The following CCNL1 variants were observed in gnomAD, a reference collection of about 807,000 sequenced individuals.
The protein encoded by CCNL1 is cyclin L1, also known as cyclin-L1.
A neutral mutation model predicts 60.6 loss-of-function variants in CCNL1; 13 were observed. The ratio of observed to expected loss-of-function variants is 0.21; its 90% CI spans 0.14 to 0.34. CCNL1 has a LOEUF of 0.34. CCNL1 is among the 10% of genes least tolerant of loss of function. The pLI, the probability that CCNL1 is intolerant of heterozygous loss-of-function variation, is 1.00. For synonymous variants in CCNL1, 270 were observed against 244.3 expected (o/e 1.10, Z -0.98); for missense variants, 481 against 664.3 (o/e 0.72, Z 3.03).
downstream of CCNL1, among the ~76,000 whole-genome samples, chr3:157,147,271 G>A (rs1245415715): frequency 6.6e-6 from 1 of 152,106 alleles, no homozygotes; most frequent in Non-Finnish European, 1.5e-5. Flanking sequence ...TAGTAAATGT[G>A]AGTAACTTGA....
downstream of CCNL1, chr3:157,147,480 G>A (rs1737825080): frequency 1.7e-6 from 1 of 587,244 alleles, no homozygotes. Flanking sequence ...ATTCAATAGG[G>A]TACCTCATTT....
downstream of CCNL1, among the ~76,000 whole-genome samples, chr3:157,143,770 A>G (rs1475868597): frequency 3.9e-5 from 6 of 152,136 alleles, no homozygotes. Flanking sequence ...ACTATCTCTG[A>G]GACAGAAACA....
At chr3:157,156,020 G>A (rs1261820543) in intron 3 of CCNL1, among the ~76,000 whole-genome samples, 2 of 152,274 alleles carry the variant, frequency 1.3e-5, no homozygotes, top group East Asian at 1.9e-4. Context: ...ATTATGGTTT[G>A]TTAGAGGAGC....
intron 10 of CCNL1, 123 bp downstream of exon 10, chr3:157,149,164 C>T (rs1466609764): frequency 2.9e-6 from 2 of 701,674 alleles, no homozygotes; most frequent in Non-Finnish European, 4.8e-6. Context: ...CATAATTTGC[C>T]TCATACTAAA....
chr3:157,145,540 TGCTG>T (rs1273052652), downstream of CCNL1, among the ~76,000 whole-genome samples: 1 of 151,028 alleles, frequency 6.6e-6, no homozygotes, highest in Admixed American at 6.6e-5. Context: ...ACATTTTCAT[TGCTG>T]TAATGGGCCA....
At chr3:157,159,663 C>A (rs1738923128) in intron 1 of CCNL1, 129 bp downstream of exon 1, 2 of 1,071,876 alleles carry the variant, frequency 1.9e-6, no homozygotes, top group Non-Finnish European at 1.3e-6. Flanking sequence ...CCGGCCGCGG[C>A]TGGGCCCCGA....
chr3:157,158,693 CTT>C, intron 3 of CCNL1, 171 bp downstream of exon 3: 1 of 508,736 alleles, frequency 2.0e-6, no homozygotes, highest in Non-Finnish European at 3.5e-6. Context: ...AATTATGTTT[CTT>C]TTTTCAAATT....
rs766481339 is a variant in CCNL1, at chr3:157,149,997, T to A, written c.880-20A>T. 3.3e-6 allele frequency: 5 copies of A among 1,498,510 alleles called. No homozygotes were observed. The South Asian group carries it at 4.6e-5, about 14-fold the overall frequency. 92.8% of individuals were successfully genotyped at this position (1,498,510 alleles called of 1,614,324 possible). A position where few individuals can be genotyped will look rare whatever the true frequency, so the allele number is the denominator to read the frequency against. On this transcript the variant is annotated intron_variant, in intron 7 of 10. Transcript: ENST00000295926. The stretch of plus-strand genomic sequence containing the variant: ...GTTTGGCTGTTGGAGGAAAAAAAAG[T>A]TAGTATTTCTTCCTTAGAGTAGCTT...
intron 3 of CCNL1, among the ~76,000 whole-genome samples, chr3:157,158,120 A>G (rs1300931781): frequency 2.0e-5 from 3 of 152,242 alleles, no homozygotes; most frequent in African/African-American, 7.2e-5. Context: ...ACTGCCTCAC[A>G]GGAACACATA....
chr3:157,159,596 G>C, intron 1 of CCNL1, 117 bp from the exon 2 acceptor site: 2 of 1,087,136 alleles, frequency 1.8e-6, no homozygotes, highest in African/African-American at 3.2e-5. Context: ...CCGCCGCTGC[G>C]AACAGCCCGC....
rs181713493 is a variant in CCNL1, at chr3:157,147,851, G to C, written c.*390C>G. The C allele has an allele frequency of 4.0e-5, 40 of 991,668 alleles. No individual in the cohort carries two copies. The Admixed American group carries it at 2.4e-3, about 60-fold the overall frequency. The allele number at this position is 991,668 out of a possible 1,614,324, so 61.4% of individuals were successfully genotyped here. A position where few individuals can be genotyped will look rare whatever the true frequency, so the allele number is the denominator to read the frequency against. On this transcript the variant is annotated 3_prime_UTR_variant, in exon 11 of 11. Transcript: ENST00000295926. Reference sequence around the variant, plus strand: ...CCTTGTAAAAATCTTTACACATGCAGACAAACCAGTGTTAAGAAAGTATTC... The same window carrying C: ...CCTTGTAAAAATCTTTACACATGCACACAAACCAGTGTTAAGAAAGTATTC...
At chr3:157,151,916 C>T in intron 5 of CCNL1, 1 of 1,272,040 alleles carries the variant, frequency 7.9e-7, no homozygotes. Flanking sequence ...CTATGACTTA[C>T]CATCATGGAC....
intron 10 of CCNL1, 178 bp downstream of exon 10, chr3:157,149,109 G>A (rs1350582754): frequency 3.4e-6 from 2 of 589,856 alleles, no homozygotes; most frequent in African/African-American, 3.7e-5. Flanking sequence ...ATAACAGAAT[G>A]CCATTAAGAT....
intron 5 of CCNL1, 21 bp downstream of exon 5, chr3:157,152,156 A>C (rs754210894): frequency 1.9e-6 from 3 of 1,606,022 alleles, no homozygotes; most frequent in Non-Finnish European, 2.5e-6. Context: ...GCTAGGAAAG[A>C]AATCTAAAAA....
In CCNL1 at chr3:157,159,600, A is replaced by G. The variant is rs556890668; in HGVS notation, c.304-121T>C. On this transcript the variant is annotated intron_variant, in intron 1 of 10. Coordinates refer to ENST00000295926, the MANE Select transcript of CCNL1 (RefSeq NM_020307.4). ...TCCCGCCGCCGCCGCCGCTGCGAAC[A>G]GCCCGCTGCCAAGTCCTCCCTCCGC... 2.9e-5 allele frequency: 31 copies of G among 1,067,808 alleles called. No homozygotes were observed. The East Asian group carries it at 7.2e-4, about 25-fold the overall frequency. 66.1% of individuals were successfully genotyped at this position (1,067,808 alleles called of 1,614,324 possible). A position where few individuals can be genotyped will look rare whatever the true frequency, so the allele number is the denominator to read the frequency against.
intron 1 of CCNL1, 52 bp downstream of exon 1, chr3:157,159,740 G>A (rs1738931055): frequency 4.2e-6 from 6 of 1,414,862 alleles, no homozygotes; most frequent in Non-Finnish European, 5.7e-6. Context: ...GCGGCGTAGG[G>A]GACGGAGGAG....
At position 157,150,185 on chromosome 3, in the gene CCNL1, A is replaced by G. The variant is rs771347459; in HGVS notation, c.775-16T>C. On this transcript the variant is annotated splice_polypyrimidine_tract_variant and intron_variant, in intron 6 of 10. Transcript: ENST00000295926. ...GCAACGGAATCTAAACCATAAGAAC[A>G]GAATGTTTTAAATTAAATTTTTGCT... 3 of 1,609,520 alleles carry G rather than the reference A, an allele frequency of 1.9e-6. No individual in the cohort carries two copies. The highest frequency in any genetic ancestry group is 2.5e-6 in the Non-Finnish European group (3 of 1,177,742).
intron 3 of CCNL1, among the ~76,000 whole-genome samples, chr3:157,157,290 A>C (rs1738693520): frequency 6.6e-6 from 1 of 152,216 alleles, no homozygotes; most frequent in South Asian, 2.1e-4. Flanking sequence ...ATAATGACCC[A>C]AAAAACAAAG....
At chr3:157,145,458 AAAAAAACC>A (rs1276796751), downstream of CCNL1, among the ~76,000 whole-genome samples, 10 of 148,084 alleles carry the variant, frequency 6.8e-5, no homozygotes, top group African/African-American at 1.3e-4. Context: ...AAAAAAAAAA[AAAAAAACC>A]AAAACGGGAT....
Sources: allele counts gnomAD v4.1 joint callset (sites outside exome capture counted in the v4.1 genomes callset), GRCh38; gene constraint gnomAD v4.1.1; transcripts MANE v1.5; gene names NCBI Gene and HGNC (gene_info 2026-07-23, HGNC 2026-07-21).